Variants in NEK5 observed in about 807,000 individuals in gnomAD.
The protein encoded by NEK5 is serine/threonine-protein kinase Nek5.
NEK5 carries 88 observed loss-of-function variants against 109.2 expected under a neutral mutation model. The ratio of observed to expected loss-of-function variants is 0.81; its 90% CI spans 0.68 to 0.96. The LOEUF (loss-of-function observed/expected upper bound fraction) is 0.96. NEK5 is among the 40% of genes least tolerant of loss of function. NEK5 has a pLI of 0.00. For missense variants in NEK5, 834 were observed against 920.7 expected (o/e 0.91, Z 1.22); for synonymous variants, 283 against 299.9 (o/e 0.94, Z 0.58).
intron 3 of NEK5, among the ~76,000 whole-genome samples, chr13:52,119,925 G>A (rs575066358): frequency 2.0e-5 from 3 of 152,284 alleles, no homozygotes; most frequent in East Asian, 3.9e-4. Flanking sequence ...GTATTTGGGT[G>A]TATTTTCTTG....
At position 52,035,649 on chromosome 13, in the gene NEK5, A is replaced by T. The variant is rs1954354539; in HGVS notation, c.*1299T>A. The stretch of plus-strand genomic sequence containing the variant: ...TTTAGCATTTATTAATTCAGGAAAC[A>T]TTTCTGGCACTGTGCTAATAACTAT... On this transcript the variant is annotated 3_prime_UTR_variant, in exon 24 of 24. Transcript: ENST00000684899. 1 of 152,210 alleles carries T rather than the reference A, an allele frequency of 6.6e-6. No individual in the cohort carries two copies. The highest frequency in any genetic ancestry group is 2.4e-5 in the African/African-American group (1 of 41,456). 9.4% of individuals were successfully genotyped at this position (152,210 alleles called of 1,614,324 possible).
At chr13:52,118,787 T>C (rs1446955924) in intron 4 of NEK5, among the ~76,000 whole-genome samples, 1 of 152,134 alleles carries the variant, frequency 6.6e-6, no homozygotes, top group East Asian at 1.9e-4. Flanking sequence ...CCTGAGGATA[T>C]GCAGGATCTC....
In NEK5 at chr13:52,075,875, C is replaced by T. The variant is rs951692905; in HGVS notation, c.1654-49G>A. ...AAAAGTTTAGCAATTCAGTAAAAGC[C>T]TTAAAATTACAACTCCCTAGGTCAA... On this transcript the variant is annotated intron_variant, in intron 18 of 23. Transcript: ENST00000684899. The T allele has an allele frequency of 3.1e-6, 4 of 1,271,104 alleles. No homozygotes were observed. The African/African-American group carries it at 4.5e-5, about 14-fold the overall frequency. The allele number at this position is 1,271,104 out of a possible 1,614,324, so 78.7% of individuals were successfully genotyped here.
intron 22 of NEK5, among the ~76,000 whole-genome samples, chr13:52,056,705 C>T (rs894500588): frequency 6.6e-6 from 1 of 151,608 alleles, no homozygotes; most frequent in African/African-American, 2.4e-5. Flanking sequence ...CTAGTGGGTA[C>T]ATAACGATAT....
intron 21 of NEK5, among the ~76,000 whole-genome samples, chr13:52,063,978 C>T (rs1239054433): frequency 3.7e-5 from 5 of 135,978 alleles, no homozygotes; most frequent in Non-Finnish European, 8.2e-5. Flanking sequence ...CAGCCAGCCA[C>T]CCCGTCCGGG....
intron 17 of NEK5, among the ~76,000 whole-genome samples, chr13:52,076,929 T>C (rs1489751556): frequency 6.6e-6 from 1 of 152,136 alleles, no homozygotes; most frequent in African/African-American, 2.4e-5. Context: ...TGGAGTAGGA[T>C]AGGTAATAAA....
At chr13:52,123,376 A>G (rs149494481) in intron 3 of NEK5, among the ~76,000 whole-genome samples, 2,375 of 152,328 alleles carry the variant, frequency 0.016, 72 homozygotes, top group Admixed American at 0.08. Flanking sequence ...AGAAAAATAT[A>G]GTCAATTTTT....
At chr13:52,081,458 A>C (rs1018999793) in intron 17 of NEK5, among the ~76,000 whole-genome samples, 1 of 152,140 alleles carries the variant, frequency 6.6e-6, no homozygotes. Flanking sequence ...AATAGCTGGA[A>C]CTATAGTCTC....
At chr13:52,049,653 A>G (rs1954487436) in intron 23 of NEK5, among the ~76,000 whole-genome samples, 1 of 151,398 alleles carries the variant, frequency 6.6e-6, no homozygotes, top group East Asian at 1.9e-4. Context: ...AACACTAACA[A>G]CAGCTGATGA....
At chr13:52,120,128 T>G (rs1316478829) in intron 3 of NEK5, among the ~76,000 whole-genome samples, 1 of 152,152 alleles carries the variant, frequency 6.6e-6, no homozygotes, top group Non-Finnish European at 1.5e-5. Context: ...TCTTCAACAT[T>G]GGCCAGATTT....
intron 22 of NEK5, among the ~76,000 whole-genome samples, chr13:52,050,859 A>G (rs1373352045): frequency 1.1e-4 from 16 of 151,352 alleles, no homozygotes; most frequent in African/African-American, 3.4e-4. Context: ...AGCTGGGATT[A>G]CAGGCACATG....
intron 23 of NEK5, among the ~76,000 whole-genome samples, chr13:52,041,728 C>CA (rs60216367): frequency 0.13 from 6,238 of 47,564 alleles, 704 homozygotes; most frequent in Admixed American, 0.2. Flanking sequence ...AACTCTGTCT[C>CA]AAAAAAAAAA....
chr13:52,073,700 C>T (rs1038071317), intron 19 of NEK5, among the ~76,000 whole-genome samples: 4 of 152,078 alleles, frequency 2.6e-5, no homozygotes, highest in African/African-American at 9.7e-5. Context: ...CATCTCTTCA[C>T]GCTTATGATA....
At chr13:52,083,880 G>A (rs1271738107) in intron 16 of NEK5, among the ~76,000 whole-genome samples, 2 of 152,138 alleles carry the variant, frequency 1.3e-5, no homozygotes, top group Non-Finnish European at 2.9e-5. Flanking sequence ...GCCCATCCCA[G>A]ATCAGCCTTA....
At chr13:52,094,768 C>T (rs528705950) in intron 12 of NEK5, among the ~76,000 whole-genome samples, 17 of 152,096 alleles carry the variant, frequency 1.1e-4, no homozygotes, top group South Asian at 8.3e-4. Flanking sequence ...AGTGAGACTC[C>T]GTCTCAAAAA....
intron 21 of NEK5, among the ~76,000 whole-genome samples, chr13:52,063,790 C>T (rs531347608): frequency 9.5e-4 from 143 of 150,800 alleles, no homozygotes; most frequent in Middle Eastern, 3.5e-3. Flanking sequence ...GGAGACCCTC[C>T]GCCTGGCAAC....
chr13:52,108,853 G>A (rs1008795030), intron 7 of NEK5, among the ~76,000 whole-genome samples: 4 of 151,952 alleles, frequency 2.6e-5, no homozygotes, highest in Admixed American at 2.6e-4. Context: ...TCATATAACC[G>A]TGATCACAAT....
intron 17 of NEK5, among the ~76,000 whole-genome samples, chr13:52,080,805 T>G (rs1954994259): frequency 6.6e-6 from 1 of 151,722 alleles, no homozygotes; most frequent in Non-Finnish European, 1.5e-5. Flanking sequence ...TTTGTTCACT[T>G]GTTTGTCTGC....
At chr13:52,087,779 C>T (rs1955182716) in intron 14 of NEK5, among the ~76,000 whole-genome samples, 1 of 151,938 alleles carries the variant, frequency 6.6e-6, no homozygotes, top group Non-Finnish European at 1.5e-5. Flanking sequence ...GCACCCGCCA[C>T]CACACCCGGC....
Sources: gnomAD v4.1 joint callset for allele counts (sites outside exome capture counted in the v4.1 genomes callset) on GRCh38, gnomAD v4.1.1 for gene constraint, MANE v1.5 for transcripts, NCBI Gene and HGNC (gene_info 2026-07-23, HGNC 2026-07-21) for gene names.